PCDH15: variants seen among roughly 807,000 people sequenced by gnomAD.
PCDH15 encodes the protein protocadherin related 15, also known as protocadherin-15.
Under a neutral mutation model 178.5 loss-of-function variants are expected in PCDH15, and 129 were observed. That is an observed-to-expected ratio of 0.72 (90% CI 0.63 to 0.84). The LOEUF is 0.84. PCDH15 is among the 40% of genes least tolerant of loss of function. The pLI, the probability that PCDH15 is intolerant of heterozygous loss-of-function variation, is 0.00. For missense variants in PCDH15, 2,230 were observed against 2,099.9 expected, an observed-to-expected ratio of 1.06 and a Z score of -1.21; for synonymous variants, 800 against 732.0, an observed-to-expected ratio of 1.09 and a Z score of -1.50.
chr10:54,103,245 C>T (rs2094845192), intron 15 of PCDH15, among the ~76,000 whole-genome samples: 1 of 152,098 alleles, frequency 6.6e-6, no homozygotes, highest in African/African-American at 2.4e-5. Flanking sequence ...AGTAGGCTTC[C>T]TATTAATTTC....
At chr10:53,922,338 T>A (rs554561582) in intron 25 of PCDH15, among the ~76,000 whole-genome samples, 29 of 152,332 alleles carry the variant, frequency 1.9e-4, no homozygotes, top group African/African-American at 6.7e-4. Context: ...GTATTTCTTA[T>A]GTTACAATAA....
At chr10:53,819,970 T>C (rs2076197750) in intron 33 of PCDH15, among the ~76,000 whole-genome samples, 195 bp downstream of exon 33, 1 of 152,014 alleles carries the variant, frequency 6.6e-6, no homozygotes, top group Non-Finnish European at 1.5e-5. Context: ...TAAAATGTTA[T>C]AGAAAAAGGC....
In PCDH15 at chr10:55,520,332, A is replaced by ATATATATATATACACGCAATGTG. The variant is rs1841143416; in HGVS notation, c.-156+107292_-156+107293insCACATTGCGTGTATATATATATA. Among the ~76,000 whole-genome samples the ATATATATATATACACGCAATGTG allele has an allele frequency of 7.9e-5, 3 of 38,040 alleles. 1 individual carries two copies. Among genetic ancestry groups the ATATATATATATACACGCAATGTG allele is most frequent in the African/African-American group, 3.3e-4 (2 of 6,150 alleles). The allele number at this position is 38,040 out of a possible 152,430, so 25.0% of individuals were successfully genotyped here. A position where few individuals can be genotyped will look rare whatever the true frequency, so the allele number is the denominator to read the frequency against. On this transcript the variant is annotated intron_variant, in intron 2 of 5. Transcript: ENST00000613346. Reference sequence around the variant, plus strand: ...ATATATATACATGCAATGTGTATATATATATATATATATATATACACATTG... The same window carrying ATATATATATATACACGCAATGTG: ...ATATATATACATGCAATGTGTATATATATATATATATACACGCAATGTGTATATATATATATATATACACATTG...
At chr10:54,698,185 G>T (rs967822587) in intron 1 of PCDH15, among the ~76,000 whole-genome samples, 2 of 152,100 alleles carry the variant, frequency 1.3e-5, no homozygotes, top group Non-Finnish European at 2.9e-5. Context: ...GAAATCACAG[G>T]CAAATTGCTT....
At chr10:55,091,027 T>C (rs890545217) in intron 2 of PCDH15, among the ~76,000 whole-genome samples, 3 of 151,994 alleles carry the variant, frequency 2.0e-5, no homozygotes, top group African/African-American at 7.2e-5. Context: ...TTTATGACGT[T>C]ATTTATTTTT....
intron 29 of PCDH15, among the ~76,000 whole-genome samples, chr10:53,835,616 G>T (rs1194288966): frequency 6.6e-6 from 1 of 152,054 alleles, no homozygotes; most frequent in African/African-American, 2.4e-5. Context: ...GGCAGAAAAG[G>T]TTAAAAGTGG....
intron 10 of PCDH15, among the ~76,000 whole-genome samples, chr10:54,200,052 G>C (rs2050072031): frequency 6.6e-6 from 1 of 152,088 alleles, no homozygotes; most frequent in South Asian, 2.1e-4. Flanking sequence ...CCTTGTAACG[G>C]AGGACTGAGA....
At chr10:54,163,607 G>T (rs72797081) in intron 13 of PCDH15, among the ~76,000 whole-genome samples, 1 of 152,006 alleles carries the variant, frequency 6.6e-6, no homozygotes, top group Non-Finnish European at 1.5e-5. Context: ...AAACCAAACC[G>T]AGGAACAATC....
At chr10:53,890,483 A>G (rs1589272507) in intron 26 of PCDH15, among the ~76,000 whole-genome samples, 2 of 152,196 alleles carry the variant, frequency 1.3e-5, no homozygotes, top group African/African-American at 4.8e-5. Flanking sequence ...CTTGGGGTCT[A>G]TTGGCTTCAG....
intron 2 of PCDH15, among the ~76,000 whole-genome samples, chr10:54,947,899 TA>T: frequency 6.6e-6 from 1 of 152,060 alleles, no homozygotes; most frequent in African/African-American, 2.4e-5. Context: ...AGTTGTGTAT[TA>T]GGTAGAATGA....
chr10:54,026,948 G>A (rs969144340), intron 18 of PCDH15, among the ~76,000 whole-genome samples: 4 of 149,936 alleles, frequency 2.7e-5, no homozygotes, highest in African/African-American at 4.9e-5. Flanking sequence ...AGGGCAATTA[G>A]GCAGGAGAAG....
intron 14 of PCDH15, among the ~76,000 whole-genome samples, chr10:54,134,933 G>A (rs1203333290): frequency 6.6e-6 from 1 of 151,368 alleles, no homozygotes; most frequent in East Asian, 2.0e-4. Context: ...ATGGTTGGGT[G>A]CGGTGGCTCA....
chr10:53,809,082 C>T (rs867467512), intron 37 of PCDH15: 1 of 1,613,680 alleles, frequency 6.2e-7, no homozygotes, highest in African/African-American at 1.3e-5. Flanking sequence ...CAATGTTTTT[C>T]CTTGCTTTTT....
chr10:55,412,061 A>C (rs1015702269), intron 2 of PCDH15, among the ~76,000 whole-genome samples: 4 of 152,018 alleles, frequency 2.6e-5, no homozygotes, highest in African/African-American at 9.7e-5. Context: ...ACAAAGAAGA[A>C]GAAAGAGAAT....
At chr10:54,173,734 C>CA (rs1350952463) in intron 13 of PCDH15, among the ~76,000 whole-genome samples, 2 of 151,864 alleles carry the variant, frequency 1.3e-5, no homozygotes, top group East Asian at 3.9e-4. Context: ...GAAAAGTATG[C>CA]AAAAAAATTG....
At chr10:54,003,468 C>T (rs558297695) in intron 20 of PCDH15, among the ~76,000 whole-genome samples, 5 of 151,966 alleles carry the variant, frequency 3.3e-5, no homozygotes, top group South Asian at 4.1e-4. Context: ...TCATTAGTGG[C>T]TACTATGAAC....
chr10:54,677,330 T>C (rs2094808246), intron 1 of PCDH15, among the ~76,000 whole-genome samples: 1 of 152,120 alleles, frequency 6.6e-6, no homozygotes. Context: ...CAGTGAGATA[T>C]GATCGTGTTA....
At chr10:55,231,287 T>C (rs1841213366) in intron 1 of PCDH15, among the ~76,000 whole-genome samples, 1 of 151,970 alleles carries the variant, frequency 6.6e-6, no homozygotes, top group Non-Finnish European at 1.5e-5. Context: ...AGAACTTTTG[T>C]TGAAGGAGAA....
chr10:54,979,682 A>G (rs1235363173), intron 2 of PCDH15, among the ~76,000 whole-genome samples: 1 of 151,786 alleles, frequency 6.6e-6, no homozygotes, highest in Non-Finnish European at 1.5e-5. Flanking sequence ...AAAAAAAAAA[A>G]AAAACCAGAA....
Sources: gnomAD v4.1 joint callset for allele counts (sites outside exome capture counted in the v4.1 genomes callset) on GRCh38, gnomAD v4.1.1 for gene constraint, MANE v1.5 for transcripts, NCBI Gene and HGNC (gene_info 2026-07-23, HGNC 2026-07-21) for gene names.